LYVE1: variants seen among roughly 807,000 people sequenced by gnomAD.
LYVE1 encodes lymphatic vessel endothelial hyaluronan receptor 1, also known as lymphatic vessel endothelial hyaluronic acid receptor 1.
Under a neutral mutation model 31.5 loss-of-function variants are expected in LYVE1, and 29 were observed. The observed-to-expected ratio is 0.92, with a 90% confidence interval of 0.69 to 1.26. LYVE1 has a LOEUF of 1.26. Ranked by LOEUF, LYVE1 falls within the 50% of genes most tolerant of loss-of-function variation. The pLI is 0.00. For missense variants in LYVE1, 376 were observed against 380.2 expected (o/e 0.99, Z 0.09); for synonymous variants, 134 against 139.4 (o/e 0.96, Z 0.27).
chr11:10,563,253 C>T (rs908008131), intron 3 of LYVE1, among the ~76,000 whole-genome samples: 7 of 152,208 alleles, frequency 4.6e-5, no homozygotes, highest in Middle Eastern at 6.8e-3. Context: ...CCGGCCTGAA[C>T]TCGGTTTCTT....
intron 3 of LYVE1, among the ~76,000 whole-genome samples, chr11:10,562,888 G>A (rs906057734): frequency 6.7e-5 from 10 of 149,244 alleles, no homozygotes; most frequent in Non-Finnish European, 1.3e-4. Flanking sequence ...ACCTGAGTCT[G>A]AACCTTTACA....
intron 5 of LYVE1, 126 bp from the exon 6 acceptor site, chr11:10,559,423 T>C: frequency 1.5e-6 from 1 of 669,810 alleles, no homozygotes; most frequent in East Asian, 2.7e-5. Flanking sequence ...TGCCAGCACA[T>C]GCATGCTCTA....
At position 10,560,997 on chromosome 11, in the gene LYVE1, G is replaced by A. The variant is rs111865665; in HGVS notation, c.398-197C>T. ...TTGTATGGCCTACAAGGCCTTCTGT[G>A]ATTTGGCCCCTGCTAACATGCCAGC... On this transcript the variant is annotated intron_variant, in intron 3 of 5. Coordinates refer to ENST00000256178, the MANE Select transcript of LYVE1 (RefSeq NM_006691.4). Among the ~76,000 whole-genome samples the A allele has an allele frequency of 2.6e-5, 4 of 152,300 alleles. 1 individual carries two copies. Among genetic ancestry groups the A allele is most frequent in the African/African-American group, 9.6e-5 (4 of 41,554 alleles).
At position 10,560,785 on chromosome 11, in the gene LYVE1, G is replaced by A. The variant is rs768324196; in HGVS notation, c.413C>T (p.Ser138Leu). 5.0e-6 allele frequency: 8 copies of A among 1,610,262 alleles called. No homozygotes were observed. Among genetic ancestry groups the A allele is most frequent in the Middle Eastern group, 1.6e-4 (1 of 6,074 alleles). Residue 138 changes from serine to leucine, a missense_variant, in exon 4 of 6, where the codon TCG becomes TTG. Transcript: ENST00000256178. ...GGTGGTGATAATTTCTGGAATGCACGAGTTAGTCCAAGTATCTGTTGGGAT... is the reference window on the plus strand; with the variant it reads ...GGTGGTGATAATTTCTGGAATGCACAAGTTAGTCCAAGTATCTGTTGGGAT... ...CYNSSDTWTN[S>L]CIPEIITTKD... is the part of the protein sequence containing the mutation.
Position 10,563,952 on chromosome 11 carries a change from A to G in LYVE1, c.385T>C (p.Tyr129His), listed in dbSNP as rs1422771238. The change falls in exon 3 of 6, where the codon TAC becomes CAC. Residue 129 changes from tyrosine to histidine, a missense_variant. By Grantham distance (83) the Tyr-to-His change is moderately conservative. Coordinates refer to ENST00000256178, the MANE Select transcript of LYVE1 (RefSeq NM_006691.4). ...PVSRQFAAYC[Y>H]NSSDTWTNSC... Reference sequence around the variant, plus strand: ...AGATCAGACTCACCAGATGAGTTGTAACAATAGGCTGCAAACTGTCGGCTC... The same window carrying G: ...AGATCAGACTCACCAGATGAGTTGTGACAATAGGCTGCAAACTGTCGGCTC... 6.2e-7 allele frequency: 1 copy of G among 1,614,214 alleles called. No homozygotes were observed. The highest frequency in any genetic ancestry group is 8.5e-7 in the Non-Finnish European group (1 of 1,180,040).
rs1850412776 is a variant in LYVE1 at position 10,560,946 on chromosome 11, T to G, written c.398-146A>C. 7.5e-6 allele frequency: 5 copies of G among 668,410 alleles called. No individual in the cohort carries two copies. In the Admixed American group the frequency reaches 1.1e-4, roughly 14 times the overall value. 41.4% of individuals were successfully genotyped at this position (668,410 alleles called of 1,614,324 possible). On this transcript the variant is annotated intron_variant, in intron 3 of 5. Transcript: ENST00000256178. ...AAATCTAACCATATCACTTTCTTCC[T>G]TAGAAGCCTTCAGTGGCTATCTTTG... is the stretch of plus-strand genomic sequence containing the variant.
At chr11:10,568,345 T>C in intron 1 of LYVE1, 103 bp downstream of exon 1, 1 of 1,163,118 alleles carries the variant, frequency 8.6e-7, no homozygotes, top group Non-Finnish European at 1.2e-6. Flanking sequence ...GACCTGCTGT[T>C]GACACTGAGG....
chr11:10,559,843 G>A lies in LYVE1; in HGVS notation c.755C>T (p.Ala252Val), dbSNP rs755217678. Residue 252 changes from alanine (A) to valine (V), a missense_variant, in exon 5 of 6, where the codon GCT becomes GTT. Physicochemically the swap from Ala to Val is moderately conservative, Grantham distance 64 (BLOSUM62 0). Transcript: ENST00000256178. Reference sequence around the variant, plus strand: ...TTTGACATAGCAAAATCCAAGACCAGCTGCAGCACCAAAGAAGAGGAGAGC... The same window carrying A: ...TTTGACATAGCAAAATCCAAGACCAACTGCAGCACCAAAGAAGAGGAGAGC... ...VLALLFFGAA[A>V]GLGFCYVKRY... The A allele has an allele frequency of 1.3e-5, 21 of 1,613,836 alleles. 1 individual carries two copies. In the Middle Eastern group the frequency reaches 2.6e-3, roughly 202 times the overall value.
intron 2 of LYVE1, 59 bp from the exon 3 acceptor site, chr11:10,564,138 G>A: frequency 6.2e-7 from 1 of 1,613,836 alleles, no homozygotes; most frequent in Non-Finnish European, 8.5e-7. Context: ...CATCTCTATT[G>A]CTGAACAAGA....
chr11:10,563,589 C>G (rs541574088), intron 3 of LYVE1, among the ~76,000 whole-genome samples: 1 of 152,280 alleles, frequency 6.6e-6, no homozygotes, highest in Admixed American at 6.5e-5. Flanking sequence ...CCCACTGACA[C>G]TGAGGGACGA....
intron 5 of LYVE1, 138 bp downstream of exon 5, chr11:10,559,678 G>T: frequency 1.5e-6 from 1 of 673,992 alleles, no homozygotes; most frequent in South Asian, 2.0e-5. Flanking sequence ...AAGGGAAAGA[G>T]ATGAGATGAG....
chr11:10,557,708 G>A lies in LYVE1; in HGVS notation c.*1403C>T, dbSNP rs892194850. The A allele has an allele frequency of 6.6e-6, 1 of 152,212 alleles. No homozygotes were observed. The highest frequency in any genetic ancestry group is 1.5e-5 in the Non-Finnish European group (1 of 68,036). 9.4% of individuals were successfully genotyped at this position (152,212 alleles called of 1,614,324 possible). A position where few individuals can be genotyped will look rare whatever the true frequency, so the allele number is the denominator to read the frequency against. On this transcript the variant is annotated 3_prime_UTR_variant, in exon 6 of 6. Transcript: ENST00000256178. The stretch of plus-strand genomic sequence containing the variant: ...ACTCAAAATAAAATGTTTGGAGCAT[G>A]AATAGCCCCATATGATATATGCTGT...
chr11:10,566,701 C>T (rs1032676562), intron 1 of LYVE1, among the ~76,000 whole-genome samples: 2 of 152,076 alleles, frequency 1.3e-5, no homozygotes, highest in African/African-American at 4.8e-5. Context: ...TAGACTTATT[C>T]TAGGTGGATA....
intron 1 of LYVE1, among the ~76,000 whole-genome samples, chr11:10,565,456 T>C (rs1467517895): frequency 6.6e-6 from 1 of 152,220 alleles, no homozygotes; most frequent in Non-Finnish European, 1.5e-5. Context: ...AAAGGGCATT[T>C]AAATCTCTCA....
Position 10,557,309 on chromosome 11 carries a change from T to C in LYVE1, c.*1802A>G, listed in dbSNP as rs1246183506. The C allele has an allele frequency of 6.6e-6, 1 of 152,154 alleles. No homozygotes were observed. Among genetic ancestry groups the C allele is most frequent in the Non-Finnish European group, 1.5e-5 (1 of 68,006 alleles). The allele number at this position is 152,154 out of a possible 1,614,324, so 9.4% of individuals were successfully genotyped here. ...AATGATTGCTATGAGGGAACATGGGTTCTTTACTTCCAGATCTTTCCATTT... is the reference window on the plus strand; with the variant it reads ...AATGATTGCTATGAGGGAACATGGGCTCTTTACTTCCAGATCTTTCCATTT... On this transcript the variant is annotated 3_prime_UTR_variant, in exon 6 of 6. Coordinates refer to ENST00000256178, the MANE Select transcript of LYVE1 (RefSeq NM_006691.4).
At position 10,560,774 on chromosome 11, in the gene LYVE1, C is replaced by A; in HGVS notation, c.424G>T (p.Glu142Ter). 2 of 1,612,284 alleles carry A rather than the reference C, an allele frequency of 1.2e-6. No homozygotes were observed. Among genetic ancestry groups the A allele is most frequent in the Non-Finnish European group, 1.7e-6 (2 of 1,178,498 alleles). The stretch of plus-strand genomic sequence containing the variant: ...ATGGGATCTTTGGTGGTGATAATTT[C>A]TGGAATGCACGAGTTAGTCCAAGTA... ...SDTWTNSCIPEIITTKDPIFN... is the reference protein window; with the variant it reads ...SDTWTNSCIP The change falls in exon 4 of 6, where the codon GAA becomes TAA. Residue 142 changes from glutamate (E) to a stop codon, truncating the protein, a stop_gained. Coordinates refer to ENST00000256178, the MANE Select transcript of LYVE1 (RefSeq NM_006691.4). LOFTEE classifies it high-confidence loss of function.
chr11:10,558,366 A>C lies in LYVE1; in HGVS notation c.*745T>G, dbSNP rs532618982. 1 of 152,340 alleles carries C rather than the reference A, an allele frequency of 6.6e-6. No homozygotes were observed. Among genetic ancestry groups the C allele is most frequent in the African/African-American group, 2.4e-5 (1 of 41,588 alleles). The allele number at this position is 152,340 out of a possible 1,614,324, so 9.4% of individuals were successfully genotyped here. A position where few individuals can be genotyped will look rare whatever the true frequency, so the allele number is the denominator to read the frequency against. On this transcript the variant is annotated 3_prime_UTR_variant, in exon 6 of 6. Transcript: ENST00000256178. ...GAGTTTTTATTTTTGTTACTTGTAA[A>C]AGTATATTTCCTAGAGAAAATATCA...
At chr11:10,567,200 A>G (rs1468916809) in intron 1 of LYVE1, among the ~76,000 whole-genome samples, 1 of 152,216 alleles carries the variant, frequency 6.6e-6, no homozygotes, top group Non-Finnish European at 1.5e-5. Flanking sequence ...CTGGATCACT[A>G]TATACTTGGC....
intron 4 of LYVE1, among the ~76,000 whole-genome samples, chr11:10,560,237 G>A (rs982989238): frequency 6.6e-6 from 1 of 152,172 alleles, no homozygotes; most frequent in Non-Finnish European, 1.5e-5. Context: ...TTATGCATAG[G>A]AACAGATAGT....
Sources: gnomAD v4.1 joint callset for allele counts (sites outside exome capture counted in the v4.1 genomes callset) on GRCh38, gnomAD v4.1.1 for gene constraint, MANE v1.5 for transcripts, NCBI Gene and HGNC (gene_info 2026-07-23, HGNC 2026-07-21) for gene names.